CHCHD3: variants seen among roughly 807,000 people sequenced by gnomAD.
The protein encoded by CHCHD3 is coiled-coil-helix-coiled-coil-helix domain containing 3.
A neutral mutation model predicts 38.2 loss-of-function variants in CHCHD3; 20 were observed. That is an observed-to-expected ratio of 0.52 (90% CI 0.37 to 0.76). CHCHD3 has a LOEUF of 0.76. Among genes scored for constraint, CHCHD3 ranks in the 30% least tolerant of loss-of-function variants. CHCHD3 has a pLI of 0.00. For missense variants in CHCHD3, 245 were observed against 279.2 expected (o/e 0.88, Z 0.87); for synonymous variants, 82 against 100.0 (o/e 0.82, Z 1.07).
In CHCHD3 at chr7:133,067,173, G is replaced by A. The variant is rs146439346; in HGVS notation, c.169+2969C>T. On this transcript the variant is annotated intron_variant, in intron 2 of 7. Coordinates refer to ENST00000262570, the MANE Select transcript of CHCHD3 (RefSeq NM_017812.4). ...GATAAGACGTACACAGGATTTAGCA[G>A]AGTACCTACAATGTAATAAATTTTA... 7.6e-4 allele frequency among the ~76,000 whole-genome samples: 115 copies of A among 152,312 alleles called. 1 individual carries two copies. The highest frequency in any genetic ancestry group is 2.7e-3 in the African/African-American group (112 of 41,568).
At chr7:132,894,012 AT>A (rs1470357796) in intron 4 of CHCHD3, among the ~76,000 whole-genome samples, 1 of 152,198 alleles carries the variant, frequency 6.6e-6, no homozygotes, top group African/African-American at 2.4e-5. Context: ...AAAATGAATG[AT>A]TTTTGAAATT....
At chr7:132,971,055 G>A (rs1811601225) in intron 4 of CHCHD3, among the ~76,000 whole-genome samples, 1 of 152,076 alleles carries the variant, frequency 6.6e-6, no homozygotes, top group Non-Finnish European at 1.5e-5. Context: ...AAATATAACT[G>A]CAAAGTCAAA....
chr7:132,872,643 C>T (rs1165301213), intron 5 of CHCHD3, among the ~76,000 whole-genome samples: 1 of 152,182 alleles, frequency 6.6e-6, no homozygotes, highest in East Asian at 1.9e-4. Context: ...AAAGCTGGTT[C>T]AACTTCTCTT....
intron 3 of CHCHD3, among the ~76,000 whole-genome samples, chr7:133,011,151 T>C (rs1054289428): frequency 6.6e-6 from 1 of 152,092 alleles, no homozygotes; most frequent in Non-Finnish European, 1.5e-5. Flanking sequence ...AAGTGTTCAA[T>C]GAGAGGGTGG....
intron 4 of CHCHD3, among the ~76,000 whole-genome samples, chr7:132,889,418 G>T (rs537796567): frequency 2.6e-5 from 4 of 152,098 alleles, no homozygotes; most frequent in Non-Finnish European, 5.9e-5. Flanking sequence ...TGAGGACACC[G>T]CATCAATCAA....
In CHCHD3 at chr7:132,788,959, T is replaced by C. The variant is rs1203491226; in HGVS notation, c.661-3299A>G. ...ACAAACACAATGGCAGGCTGGATTT[T>C]TAAAAAAGATGAATTCATCTGTCAA... On this transcript the variant is annotated intron_variant, in intron 7 of 7. Transcript: ENST00000262570. The surrounding 1 kb of genome is among the most constrained non-coding windows in gnomAD (Gnocchi z 4.0). Among the ~76,000 whole-genome samples, 1 of 152,196 alleles carries C rather than the reference T, an allele frequency of 6.6e-6. No individual in the cohort carries two copies. The highest frequency in any genetic ancestry group is 1.5e-5 in the Non-Finnish European group (1 of 68,024).
At chr7:132,834,935 T>C (rs563041630) in intron 6 of CHCHD3, among the ~76,000 whole-genome samples, 1 of 151,554 alleles carries the variant, frequency 6.6e-6, no homozygotes, top group South Asian at 2.1e-4. Flanking sequence ...AGCAATTTCT[T>C]TTTTTTCCTC....
At chr7:132,955,728 T>C (rs951420341) in intron 4 of CHCHD3, among the ~76,000 whole-genome samples, 2 of 151,344 alleles carry the variant, frequency 1.3e-5, no homozygotes, top group Admixed American at 1.3e-4. Context: ...GGTCTTGGAG[T>C]GAGGGGAAGA....
chr7:132,886,784 T>C (rs1239475534), intron 4 of CHCHD3, among the ~76,000 whole-genome samples: 7 of 151,986 alleles, frequency 4.6e-5, no homozygotes, highest in African/African-American at 1.4e-4. Flanking sequence ...TTTCTTTAAT[T>C]GTATGCATCC....
chr7:132,917,858 CAA>C (rs33977058), intron 4 of CHCHD3, among the ~76,000 whole-genome samples: 3 of 93,026 alleles, frequency 3.2e-5, no homozygotes, highest in African/African-American at 4.6e-5. Flanking sequence ...GACTCCATCT[CAA>C]AAAAAAAAAA....
At chr7:133,073,945 T>C (rs62465355) in intron 1 of CHCHD3, among the ~76,000 whole-genome samples, 72 of 152,330 alleles carry the variant, frequency 4.7e-4, no homozygotes, top group Admixed American at 9.2e-4. Flanking sequence ...CCCTCTCTCC[T>C]GTACCATTGG....
intron 4 of CHCHD3, among the ~76,000 whole-genome samples, chr7:132,956,083 C>T (rs1193511856): frequency 6.6e-6 from 1 of 152,142 alleles, no homozygotes; most frequent in Non-Finnish European, 1.5e-5. Flanking sequence ...CAGTTGAATC[C>T]ATAAGAGAGA....
At chr7:132,906,806 C>T (rs1432028989) in intron 4 of CHCHD3, among the ~76,000 whole-genome samples, 2 of 152,106 alleles carry the variant, frequency 1.3e-5, no homozygotes, top group Non-Finnish European at 2.9e-5. Context: ...CTGCATCCTC[C>T]GGAGATGAAA....
intron 3 of CHCHD3, among the ~76,000 whole-genome samples, chr7:133,008,350 T>C (rs1431351074): frequency 1.7e-5 from 2 of 116,040 alleles, no homozygotes; most frequent in African/African-American, 6.6e-5. Flanking sequence ...GATTAAGCTA[T>C]CGATGGTTTT....
intron 6 of CHCHD3, among the ~76,000 whole-genome samples, chr7:132,820,611 GTTTTTTTT>G (rs748470167): frequency 2.1e-5 from 2 of 96,190 alleles, no homozygotes; most frequent in South Asian, 4.0e-4. Flanking sequence ...ATGTGCTAGT[GTTTTTTTT>G]TTTTTTTTTT....
At chr7:133,025,323 A>G (rs1813305693) in intron 2 of CHCHD3, among the ~76,000 whole-genome samples, 1 of 152,286 alleles carries the variant, frequency 6.6e-6, no homozygotes, top group South Asian at 2.1e-4. Flanking sequence ...TCTTACAGCT[A>G]TGATGGTAAA....
chr7:132,972,839 C>T (rs1313659428), intron 4 of CHCHD3: 1 of 985,052 alleles, frequency 1.0e-6, no homozygotes, highest in African/African-American at 1.8e-5. Flanking sequence ...CAACCAGAAT[C>T]TGTAAATAAG....
chr7:132,835,468 A>G (rs1261236759), intron 6 of CHCHD3, among the ~76,000 whole-genome samples: 1 of 152,178 alleles, frequency 6.6e-6, no homozygotes, highest in Non-Finnish European at 1.5e-5. Flanking sequence ...TCTGTTTAAA[A>G]CAAAGCCTAA....
intron 4 of CHCHD3, among the ~76,000 whole-genome samples, chr7:132,935,999 C>T (rs1188336588): frequency 1.3e-5 from 2 of 152,162 alleles, no homozygotes; most frequent in Non-Finnish European, 2.9e-5. Context: ...CAACTGCCTA[C>T]ACCTGAGATA....
Sources: gnomAD v4.1 joint callset for allele counts (sites outside exome capture counted in the v4.1 genomes callset) on GRCh38, gnomAD v4.1.1 for gene constraint, Gnocchi (gnomAD v3.1) non-coding constraint, MANE v1.5 for transcripts, NCBI Gene and HGNC (gene_info 2026-07-23, HGNC 2026-07-21) for gene names.